The following HROB variants were observed in gnomAD, a reference collection of about 807,000 sequenced individuals.
HROB encodes homologous recombination OB-fold protein.
HROB carries 44 observed loss-of-function variants against 61.0 expected under a neutral mutation model. That is an observed-to-expected ratio of 0.72 (90% CI 0.57 to 0.93). The LOEUF (loss-of-function observed/expected upper bound fraction) is 0.93, where lower values mean the gene tolerates loss of function less well. HROB is among the 40% of genes least tolerant of loss of function. The pLI is 0.00. For synonymous variants in HROB, 301 were observed against 310.4 expected (o/e 0.97, Z 0.32); for missense variants, 716 against 796.2 (o/e 0.90, Z 1.21).
rs2053666444 is a variant in HROB at position 44,148,056 on chromosome 17, A to T, written c.253A>T (p.Ser85Cys). 1 of 1,614,040 alleles carries T rather than the reference A, an allele frequency of 6.2e-7. No homozygotes were observed. The highest frequency in any genetic ancestry group is 1.3e-5 in the African/African-American group (1 of 74,940). ...CTTGGACCTCTGCCTCCCTGCCTCC[A>T]GCACGCCCAGTGCTGACAGCCGTCC... ...PDLDLCLPAS[S>C]TPSADSRPSC... Residue 85 changes from serine to cysteine, a missense_variant, in exon 3 of 10, where the codon AGC becomes TGC. Ser to Cys is a moderately radical substitution (Grantham distance 112). Coordinates refer to ENST00000585683, the MANE Select transcript of HROB (RefSeq NM_001171251.3).
In HROB at chr17:44,152,768, G is replaced by T; in HGVS notation, c.1440G>T (p.Val480=). 3 of 1,613,538 alleles carry T rather than the reference G, an allele frequency of 1.9e-6. No homozygotes were observed. Among genetic ancestry groups the T allele is most frequent in the Non-Finnish European group, 2.5e-6 (3 of 1,179,736 alleles). ...TCTGTACCTACAGCATTGTCATGGTGCTGCGCAAGGTAAGGATTCTGGGTG... is the reference window on the plus strand; with the variant it reads ...TCTGTACCTACAGCATTGTCATGGTTCTGCGCAAGGTAAGGATTCTGGGTG... ...CFLCTYSIVM[V]LRKAALKQLP... is the part of the protein sequence containing the mutation. Residue 480 remains valine, a synonymous_variant, in exon 5 of 10, where the codon GTG becomes GTT. Coordinates refer to ENST00000585683, the MANE Select transcript of HROB (RefSeq NM_001171251.3).
chr17:44,145,116 T>G, intron 1 of HROB, 87 bp from the exon 2 acceptor site: 1 of 1,376,104 alleles, frequency 7.3e-7, no homozygotes, highest in Non-Finnish European at 1.0e-6. Context: ...CCTGATGGTA[T>G]TGTTAGTGCT....
In HROB at chr17:44,154,114, T is replaced by G. The variant is rs569064394; in HGVS notation, c.1450-442T>G. Among the ~76,000 whole-genome samples, 233 of 150,076 alleles carry G rather than the reference T, an allele frequency of 1.6e-3. 4 individuals carry two copies. The highest frequency in any genetic ancestry group is 5.5e-3 in the African/African-American group (224 of 40,634). On this transcript the variant is annotated intron_variant, in intron 5 of 9. Coordinates refer to ENST00000585683, the MANE Select transcript of HROB (RefSeq NM_001171251.3). ...ATCCCAGCACTTTGGGAGGCCGAGG[T>G]GGGTGGATCACGAGGTCAGGAGTTC...
chr17:44,149,856 G>A (rs1321440642), intron 3 of HROB, among the ~76,000 whole-genome samples: 5 of 152,248 alleles, frequency 3.3e-5, no homozygotes, highest in African/African-American at 9.6e-5. Flanking sequence ...AGCACACAGT[G>A]TGAACAGGGG....
chr17:44,155,737 G>A (rs922761279), intron 8 of HROB, among the ~76,000 whole-genome samples: 7 of 152,176 alleles, frequency 4.6e-5, no homozygotes, highest in East Asian at 1.9e-4. Flanking sequence ...GTAAATGACC[G>A]AGGGTCAGAT....
At position 44,148,827 on chromosome 17, in the gene HROB, C is replaced by T. The variant is rs2053704129; in HGVS notation, c.1024C>T (p.Pro342Ser). 1.2e-6 allele frequency: 2 copies of T among 1,614,222 alleles called. No homozygotes were observed. Among genetic ancestry groups the T allele is most frequent in the African/African-American group, 1.3e-5 (1 of 75,060 alleles). Residue 342 changes from proline (P) to serine (S), a missense_variant, in exon 3 of 10, where the codon CCG becomes TCG. By Grantham distance (74) the Pro-to-Ser change is moderately conservative. Coordinates refer to ENST00000585683, the MANE Select transcript of HROB (RefSeq NM_001171251.3). Reference protein sequence around the residue: ...SGLFPRIPLQPQAPVSSIGSP... With the variant: ...SGLFPRIPLQSQAPVSSIGSP... ...ATTATTTCCTCGGATACCCTTACAA[C>T]CGCAAGCTCCAGTGTCTTCCATTGG... is the stretch of plus-strand genomic sequence containing the variant.
Position 44,161,938 on chromosome 17 carries a change from C to T in HROB, c.*6C>T, listed in dbSNP as rs773417680. The T allele has an allele frequency of 5.9e-5, 95 of 1,613,638 alleles. 3 individuals are homozygous for T. The South Asian group carries it at 1.0e-3, about 17-fold the overall frequency. On this transcript the variant is annotated 3_prime_UTR_variant, in exon 10 of 10. Coordinates refer to ENST00000585683, the MANE Select transcript of HROB (RefSeq NM_001171251.3). Reference sequence around the variant, plus strand: ...TCTGTGGGACCAGTAGTTGAGACTGCCCCAACGCAGGACAACCCACCATGA... The same window carrying T: ...TCTGTGGGACCAGTAGTTGAGACTGTCCCAACGCAGGACAACCCACCATGA...
intron 2 of HROB, among the ~76,000 whole-genome samples, chr17:44,146,992 C>T (rs1377444130): frequency 1.3e-5 from 2 of 151,638 alleles, no homozygotes; most frequent in Admixed American, 6.6e-5. Context: ...GGCTCCAAGT[C>T]CTCTCTGGCT....
Position 44,157,903 on chromosome 17 carries a change from A to G in HROB, c.1841A>G (p.Glu614Gly). Residue 614 changes from glutamate to glycine, a missense_variant, in exon 9 of 10, where the codon GAG becomes GGG. Coordinates refer to ENST00000585683, the MANE Select transcript of HROB (RefSeq NM_001171251.3). ...EEGFRTAQNL[E>G]AEASPEEELP... ...GGCTTCAGAACAGCACAGAACCTAG[A>G]GGCAGAGGCGTCCCCTGAGGAAGAA... The G allele has an allele frequency of 1.2e-6, 2 of 1,613,612 alleles. No homozygotes were observed.
chr17:44,144,123 A>G (rs1483748752), intron 1 of HROB, among the ~76,000 whole-genome samples: 1 of 147,402 alleles, frequency 6.8e-6, no homozygotes, highest in African/African-American at 2.5e-5. Flanking sequence ...GATCACAGGC[A>G]TGCTCCACTA....
intron 5 of HROB, 84 bp downstream of exon 5, chr17:44,152,861 G>A: frequency 1.3e-6 from 2 of 1,521,350 alleles, no homozygotes; most frequent in Non-Finnish European, 1.8e-6. Context: ...ACCTTAGGAA[G>A]GGGCTGTTTG....
Position 44,145,381 on chromosome 17 carries a change from G to A in HROB, c.54+128G>A, listed in dbSNP as rs1039355820. On this transcript the variant is annotated intron_variant, in intron 2 of 9. Transcript: ENST00000585683. ...GACATGTGTATGTTTTTGCCTGTGAGGTGCTGAGAAGTGATGAGAAGTGTA... is the reference window on the plus strand; with the variant it reads ...GACATGTGTATGTTTTTGCCTGTGAAGTGCTGAGAAGTGATGAGAAGTGTA... 20 of 1,143,884 alleles carry A rather than the reference G, an allele frequency of 1.7e-5. No individual in the cohort carries two copies. The African/African-American group carries it at 2.9e-4, about 17-fold the overall frequency. 70.9% of individuals were successfully genotyped at this position (1,143,884 alleles called of 1,614,324 possible). A position where few individuals can be genotyped will look rare whatever the true frequency, so the allele number is the denominator to read the frequency against.
At chr17:44,151,998 C>T (rs1452769259) in intron 4 of HROB, among the ~76,000 whole-genome samples, 1 of 152,100 alleles carries the variant, frequency 6.6e-6, no homozygotes, top group Admixed American at 6.6e-5. Context: ...AGGCGTGTGC[C>T]ACCATGCCTG....
At chr17:44,154,700 G>A in intron 6 of HROB, 36 bp downstream of exon 6, 1 of 1,603,316 alleles carries the variant, frequency 6.2e-7, no homozygotes, top group Non-Finnish European at 8.5e-7. Context: ...TGGTGAGTGG[G>A]CTCCATTGAG....
At position 44,148,358 on chromosome 17, in the gene HROB, C is replaced by A. The variant is rs1331330060; in HGVS notation, c.555C>A (p.Ile185=). ...ECGVSSEAIP[I]LPAQQREGSV... is the part of the protein sequence containing the mutation. The stretch of plus-strand genomic sequence containing the variant: ...GAGTCAGCAGTGAGGCCATACCAAT[C>A]CTGCCTGCCCAGCAGCGGGAGGGTT... Residue 185 remains isoleucine, a synonymous_variant, in exon 3 of 10, where the codon ATC becomes ATA. Transcript: ENST00000585683. The A allele has an allele frequency of 6.2e-7, 1 of 1,614,042 alleles. No homozygotes were observed. The highest frequency in any genetic ancestry group is 8.5e-7 in the Non-Finnish European group (1 of 1,180,024).
intron 7 of HROB, 113 bp downstream of exon 7, chr17:44,155,051 AT>A: frequency 1.5e-6 from 2 of 1,374,214 alleles, no homozygotes; most frequent in Non-Finnish European, 2.0e-6. Context: ...TGGCTGAACC[AT>A]TGCTAGGCCC....
intron 8 of HROB, among the ~76,000 whole-genome samples, chr17:44,157,409 T>TTCTTTC (rs1555561430): frequency 9.4e-6 from 1 of 106,944 alleles, no homozygotes; most frequent in Non-Finnish European, 2.0e-5. Flanking sequence ...ATGTTTCTTT[T>TTCTTTC]TTTTTTTTTT....
At chr17:44,157,386 A>T (rs1453964995) in intron 8 of HROB, among the ~76,000 whole-genome samples, 1 of 145,064 alleles carries the variant, frequency 6.9e-6, no homozygotes, top group Non-Finnish European at 1.5e-5. Context: ...GGCCTCTGCC[A>T]TACTCTTCCA....
intron 2 of HROB, among the ~76,000 whole-genome samples, chr17:44,147,509 T>C (rs1349435149): frequency 6.8e-6 from 1 of 146,570 alleles, no homozygotes; most frequent in African/African-American, 2.5e-5. Context: ...CCATCTCAGC[T>C]CACTGCCAAC....
Sources: allele counts gnomAD v4.1 joint callset (sites outside exome capture counted in the v4.1 genomes callset), GRCh38; gene constraint gnomAD v4.1.1; transcripts MANE v1.5; gene names NCBI Gene and HGNC (gene_info 2026-07-23, HGNC 2026-07-21).